The following ANO10 variants were observed in gnomAD, a reference collection of about 807,000 sequenced individuals.
ANO10 encodes the protein anoctamin 10.
In ANO10, 77 loss-of-function variants were observed where a neutral mutation model predicts 74.7. The ratio of observed to expected loss-of-function variants is 1.03; its 90% CI spans 0.86 to 1.25. The LOEUF (loss-of-function observed/expected upper bound fraction) is 1.25, where lower values mean the gene tolerates loss of function less well. ANO10 is among the 50% of genes most tolerant of loss of function. The pLI is 0.00. For synonymous variants in ANO10, 279 were observed against 284.9 expected, an observed-to-expected ratio of 0.98 and a Z score of 0.21; for missense variants, 721 against 778.1, an observed-to-expected ratio of 0.93 and a Z score of 0.87.
chr3:43,493,191 C>T (rs1357582851), intron 11 of ANO10, among the ~76,000 whole-genome samples: 1 of 152,138 alleles, frequency 6.6e-6, no homozygotes, highest in African/African-American at 2.4e-5. Context: ...AAACCAAACA[C>T]CGTGTGTTCT....
intron 7 of ANO10, among the ~76,000 whole-genome samples, chr3:43,571,700 G>T (rs2080730613): frequency 2.0e-5 from 3 of 151,704 alleles, no homozygotes; most frequent in Middle Eastern, 6.8e-3. Context: ...TGGGGGCAGG[G>T]GGGAGGGATA....
At chr3:43,598,240 A>T (rs1221125084) in intron 4 of ANO10, among the ~76,000 whole-genome samples, 1 of 152,234 alleles carries the variant, frequency 6.6e-6, no homozygotes, top group Non-Finnish European at 1.5e-5. Flanking sequence ...GTACAATGTT[A>T]GGGCATAAAG....
At chr3:43,651,016 G>A (rs1007887888) in intron 1 of ANO10, among the ~76,000 whole-genome samples, 3 of 152,122 alleles carry the variant, frequency 2.0e-5, no homozygotes, top group Middle Eastern at 3.4e-3. Context: ...TTGCCCTCTC[G>A]TGTGCCAGCA....
At chr3:43,543,181 G>A (rs2079030964) in intron 11 of ANO10, among the ~76,000 whole-genome samples, 1 of 152,012 alleles carries the variant, frequency 6.6e-6, no homozygotes, top group Non-Finnish European at 1.5e-5. Flanking sequence ...TGAGAGAGAG[G>A]AAGAACACAT....
At chr3:43,654,819 T>C (rs536668787) in intron 1 of ANO10, among the ~76,000 whole-genome samples, 1 of 152,134 alleles carries the variant, frequency 6.6e-6, no homozygotes, top group Non-Finnish European at 1.5e-5. Flanking sequence ...GGTGAAAAAA[T>C]TGGCCCTACC....
intron 1 of ANO10, among the ~76,000 whole-genome samples, chr3:43,621,429 C>A (rs1280056412): frequency 1.3e-5 from 2 of 152,106 alleles, no homozygotes; most frequent in African/African-American, 4.8e-5. Context: ...CAGCCTAGTC[C>A]GCCCTGATCC....
At position 43,549,702 on chromosome 3, in the gene ANO10, GT is replaced by G; in HGVS notation, c.1797+17del. ...GTAATATGGATACTGCTTAAAATAA[GT>G]TTAAATCTTTACTTACCTCCACTGC... is the stretch of plus-strand genomic sequence containing the variant. On this transcript the variant is annotated intron_variant, in intron 11 of 12. Transcript: ENST00000292246. 1 of 1,613,568 alleles carries G rather than the reference GT, an allele frequency of 6.2e-7. No homozygotes were observed. Among genetic ancestry groups the G allele is most frequent in the South Asian group, 1.1e-5 (1 of 91,088 alleles).
At chr3:43,691,160 C>G (rs1575596152) in intron 1 of ANO10, 1 of 1,001,732 alleles carries the variant, frequency 1.0e-6, no homozygotes, top group East Asian at 3.2e-5. Context: ...CGGGCGGCTT[C>G]CTCGACCCTC....
At chr3:43,504,730 C>A (rs1214843383) in intron 11 of ANO10, among the ~76,000 whole-genome samples, 3 of 151,978 alleles carry the variant, frequency 2.0e-5, no homozygotes, top group Non-Finnish European at 4.4e-5. Context: ...GCAACCTCTG[C>A]CTCCTGGGTT....
At chr3:43,453,366 A>C (rs2074970156) in intron 11 of ANO10, among the ~76,000 whole-genome samples, 1 of 152,094 alleles carries the variant, frequency 6.6e-6, no homozygotes, top group Non-Finnish European at 1.5e-5. Flanking sequence ...TTTTTAGTAC[A>C]GACGGGGTTT....
intron 1 of ANO10, among the ~76,000 whole-genome samples, chr3:43,610,890 C>T (rs1390395122): frequency 6.6e-6 from 1 of 152,072 alleles, no homozygotes; most frequent in African/African-American, 2.4e-5. Context: ...AAATTGTATC[C>T]TATTGACTGA....
At chr3:43,611,832 T>G (rs1021107859) in intron 1 of ANO10, among the ~76,000 whole-genome samples, 3 of 152,118 alleles carry the variant, frequency 2.0e-5, no homozygotes, top group African/African-American at 7.2e-5. Context: ...ATAAGGCTGA[T>G]AGTAAAATAA....
At chr3:43,680,525 A>G (rs956177540) in intron 1 of ANO10, among the ~76,000 whole-genome samples, 1 of 152,246 alleles carries the variant, frequency 6.6e-6, no homozygotes, top group Admixed American at 6.5e-5. Flanking sequence ...ATTATCCAGG[A>G]GAACTTCCCC....
At chr3:43,597,196 G>A (rs2082129381) in intron 4 of ANO10, among the ~76,000 whole-genome samples, 1 of 152,104 alleles carries the variant, frequency 6.6e-6, no homozygotes, top group African/African-American at 2.4e-5. Context: ...CATTGTGGAA[G>A]ACAGTGGCGA....
intron 1 of ANO10, among the ~76,000 whole-genome samples, chr3:43,617,487 A>T (rs1282087824): frequency 6.6e-6 from 1 of 152,150 alleles, no homozygotes; most frequent in Non-Finnish European, 1.5e-5. Context: ...AATTGCACAC[A>T]GGGTCAAAGA....
At chr3:43,546,337 C>A (rs1328766585) in intron 11 of ANO10, among the ~76,000 whole-genome samples, 1 of 152,142 alleles carries the variant, frequency 6.6e-6, no homozygotes, top group Non-Finnish European at 1.5e-5. Context: ...TAGTCTCACA[C>A]CTCCTGATTT....
intron 12 of ANO10, among the ~76,000 whole-genome samples, chr3:43,386,676 T>TGTGTGC (rs2125707918): frequency 6.6e-6 from 1 of 151,622 alleles, no homozygotes; most frequent in Admixed American, 6.6e-5. Flanking sequence ...TGTGTGTGTG[T>TGTGTGC]GTGTGTGTGT....
chr3:43,633,111 C>T (rs918210897), intron 1 of ANO10, among the ~76,000 whole-genome samples: 2 of 152,084 alleles, frequency 1.3e-5, no homozygotes, highest in Non-Finnish European at 2.9e-5. Context: ...AAATAAAAAA[C>T]GTAAATTTAT....
intron 11 of ANO10, among the ~76,000 whole-genome samples, chr3:43,443,997 C>A (rs1303882921): frequency 6.6e-6 from 1 of 152,106 alleles, no homozygotes; most frequent in Non-Finnish European, 1.5e-5. Context: ...TCTATTTCAT[C>A]ATTTAATAGA....
Sources: allele counts gnomAD v4.1 joint callset (sites outside exome capture counted in the v4.1 genomes callset), GRCh38; gene constraint gnomAD v4.1.1; transcripts MANE v1.5; gene names NCBI Gene and HGNC (gene_info 2026-07-23, HGNC 2026-07-21).